The following DNAH10 variants were observed in gnomAD, a reference collection of about 807,000 sequenced individuals.
DNAH10 encodes the protein dynein axonemal heavy chain 10.
Under a neutral mutation model 506.6 loss-of-function variants are expected in DNAH10, and 348 were observed. The observed-to-expected ratio is 0.69, with a 90% CI of 0.63 to 0.75. The LOEUF is 0.75. Among genes scored for constraint, DNAH10 ranks in the 30% least tolerant of loss-of-function variants. The probability of loss-of-function intolerance (pLI) is 0.00; values close to 1 mark genes in which losing one functional copy is unlikely to be tolerated. For synonymous variants in DNAH10, 2,059 were observed against 2,198.6 expected (o/e 0.94, Z 1.78); for missense variants, 5,179 against 5,787.1 (o/e 0.89, Z 3.41).
chr12:123,924,059 G>T, intron 66 of DNAH10, 192 bp downstream of exon 66: 2 of 735,040 alleles, frequency 2.7e-6, no homozygotes, highest in Non-Finnish European at 2.2e-6. Flanking sequence ...GGAGCAGCCA[G>T]CCTCTGTCTC....
At chr12:123,809,998 G>T (rs1042266549) in intron 19 of DNAH10, among the ~76,000 whole-genome samples, 1 of 151,904 alleles carries the variant, frequency 6.6e-6, no homozygotes, top group Non-Finnish European at 1.5e-5. Flanking sequence ...TTCCTACCAC[G>T]TACCACTCTC....
chr12:123,867,581 C>A lies in DNAH10; in HGVS notation c.7282C>A (p.Pro2428Thr), dbSNP rs1474156886. The change falls in exon 42 of 79, where the codon CCT becomes ACT. Residue 2428 changes from proline (P) to threonine (T), a missense_variant. Coordinates refer to ENST00000673944, the MANE Select transcript of DNAH10 (RefSeq NM_001372106.1). Reference sequence around the variant, plus strand: ...AGCAGAAAAGCTGAAGACAATAGTTCCTCAGACAGACCTCAATATGGTAAG... The same window carrying A: ...AGCAGAAAAGCTGAAGACAATAGTTACTCAGACAGACCTCAATATGGTAAG... Reference protein sequence around the residue: ...RQAEKLKTIVPQTDLNMVTQL... With the variant: ...RQAEKLKTIVTQTDLNMVTQL... 6.2e-7 allele frequency: 1 copy of A among 1,613,892 alleles called. No individual in the cohort carries two copies. The highest frequency in any genetic ancestry group is 1.1e-5 in the South Asian group (1 of 91,020).
intron 10 of DNAH10, 24 bp downstream of exon 10, chr12:123,788,026 G>A (rs1189889583): frequency 1.1e-5 from 17 of 1,552,808 alleles, no homozygotes; most frequent in Non-Finnish European, 1.5e-5. Flanking sequence ...GAAGGCCGGC[G>A]GAATTTGCCC....
chr12:123,883,178 T>C (rs771436293), intron 51 of DNAH10, among the ~76,000 whole-genome samples: 5 of 152,270 alleles, frequency 3.3e-5, no homozygotes, highest in Admixed American at 6.5e-5. Context: ...TGAGCTTTCA[T>C]GCACAAGTTT....
In DNAH10 at chr12:123,916,684, T is replaced by C; in HGVS notation, c.10950T>C (p.Asn3650=). ...FRLYLNTKLA[N]PRYSPSVFGK... is the part of the protein sequence containing the mutation. ...TGTACCTGAACACCAAGCTGGCCAA[T>C]CCCAGATATTCCCCATCCGTGTTTG... Residue 3650 remains asparagine, a synonymous_variant, in exon 63 of 79, where the codon AAT becomes AAC. Transcript: ENST00000673944. The surrounding 1 kb of genome is among the most constrained non-coding windows in gnomAD (Gnocchi z 4.6). The C allele has an allele frequency of 6.2e-7, 1 of 1,613,762 alleles. No individual in the cohort carries two copies. The highest frequency in any genetic ancestry group is 8.5e-7 in the Non-Finnish European group (1 of 1,179,796).
In DNAH10 at chr12:123,926,176, A is replaced by G. The variant is rs1191189375; in HGVS notation, c.11922-461A>G. The G allele has an allele frequency of 6.6e-6, 1 of 151,522 alleles. No homozygotes were observed. The highest frequency in any genetic ancestry group is 2.4e-5 in the African/African-American group (1 of 41,020). The allele number at this position is 151,522 out of a possible 1,614,324, so 9.4% of individuals were successfully genotyped here. On this transcript the variant is annotated intron_variant, in intron 68 of 78. Transcript: ENST00000673944. The surrounding 1 kb of genome is among the most constrained non-coding windows in gnomAD (Gnocchi z 4.1). ...AGCCCAAGAGTTTGAGGCTGCAGTG[A>G]GCTGTGATAGTACCACTGTACTCCA...
chr12:123,894,540 G>C, intron 53 of DNAH10, 103 bp from the exon 54 acceptor site: 2 of 1,050,038 alleles, frequency 1.9e-6, no homozygotes, highest in South Asian at 2.9e-5. Flanking sequence ...TTACAGGTGT[G>C]AGCCACCACA....
At chr12:123,793,717 A>T (rs1335513128) in intron 11 of DNAH10, among the ~76,000 whole-genome samples, 1 of 152,126 alleles carries the variant, frequency 6.6e-6, no homozygotes, top group Non-Finnish European at 1.5e-5. Flanking sequence ...TTTTGTTTAT[A>T]TGAGTTAATA....
intron 40 of DNAH10, among the ~76,000 whole-genome samples, chr12:123,865,059 T>C (rs957334842): frequency 2.6e-5 from 4 of 152,240 alleles, no homozygotes; most frequent in Non-Finnish European, 5.9e-5. Flanking sequence ...TCATCTCTTA[T>C]ACCACTAACG....
chr12:123,855,648 AAT>A lies in DNAH10; in HGVS notation c.6439-1406_6439-1405del, dbSNP rs1555233681. ...GACCCTGTCTCAAAAAAAAAAAAAAAATAATAATAAAAAGTATATATATATAT... is the reference window on the plus strand; with the variant it reads ...GACCCTGTCTCAAAAAAAAAAAAAAAAATAATAAAAAGTATATATATATAT... On this transcript the variant is annotated intron_variant, in intron 36 of 78. Coordinates refer to ENST00000673944, the MANE Select transcript of DNAH10 (RefSeq NM_001372106.1). 1.3e-3 allele frequency among the ~76,000 whole-genome samples: 190 copies of A among 149,100 alleles called. 2 individuals are homozygous for A. Among genetic ancestry groups the A allele is most frequent in the African/African-American group, 4.5e-3 (182 of 40,648 alleles).
At chr12:123,880,823 C>T (rs1449252093) in intron 50 of DNAH10, among the ~76,000 whole-genome samples, 1 of 122,902 alleles carries the variant, frequency 8.1e-6, no homozygotes, top group African/African-American at 3.0e-5. Context: ...ACAACAGGCC[C>T]TGGTGTGTGA....
chr12:123,929,159 TCTCAG>T, intron 70 of DNAH10, 111 bp from the exon 71 acceptor site: 1 of 1,057,302 alleles, frequency 9.5e-7, no homozygotes, highest in Non-Finnish European at 1.4e-6. Flanking sequence ...CTATTGGAGG[TCTCAG>T]ACAGATGGCT....
intron 5 of DNAH10, among the ~76,000 whole-genome samples, chr12:123,778,420 C>T (rs886192821): frequency 7.2e-5 from 11 of 152,192 alleles, no homozygotes; most frequent in East Asian, 1.9e-4. Context: ...TACAGCCAGG[C>T]GCAGTGACTC....
chr12:123,836,205 A>G (rs892363481), intron 28 of DNAH10, among the ~76,000 whole-genome samples: 1 of 152,200 alleles, frequency 6.6e-6, no homozygotes, highest in Non-Finnish European at 1.5e-5. Context: ...TTGTAATCAT[A>G]TTGTGTACAA....
intron 38 of DNAH10, among the ~76,000 whole-genome samples, chr12:123,860,399 G>T (rs2136855394): frequency 6.6e-6 from 1 of 152,332 alleles, no homozygotes; most frequent in East Asian, 1.9e-4. Context: ...TCACACAGTT[G>T]TATGCATGTG....
At position 123,913,084 on chromosome 12, in the gene DNAH10, T is replaced by C; in HGVS notation, c.10135-14T>C. 1 of 1,597,134 alleles carries C rather than the reference T, an allele frequency of 6.3e-7. No individual in the cohort carries two copies. The highest frequency in any genetic ancestry group is 8.5e-7 in the Non-Finnish European group (1 of 1,171,690). Reference sequence around the variant, plus strand: ...GTCCTTTTCCCCATCTTTTTGCAAATTGTCTTCACTTAGGTGGCCAGGCTG... The same window carrying C: ...GTCCTTTTCCCCATCTTTTTGCAAACTGTCTTCACTTAGGTGGCCAGGCTG... On this transcript the variant is annotated splice_polypyrimidine_tract_variant and intron_variant, in intron 59 of 78. Coordinates refer to ENST00000673944, the MANE Select transcript of DNAH10 (RefSeq NM_001372106.1). This position sits in a 1 kb window ranked among gnomAD's most constrained non-coding sequence, Gnocchi z 5.1.
intron 56 of DNAH10, among the ~76,000 whole-genome samples, chr12:123,901,179 G>A (rs2137273142): frequency 6.6e-6 from 1 of 152,302 alleles, no homozygotes; most frequent in Non-Finnish European, 1.5e-5. Flanking sequence ...TTTGCAGGCT[G>A]CTCCCCACAC....
At chr12:123,914,593 G>T (rs1438424859) in intron 61 of DNAH10, 43 bp downstream of exon 61, 1 of 1,583,192 alleles carries the variant, frequency 6.3e-7, no homozygotes, top group African/African-American at 1.3e-5. Flanking sequence ...GGACACCTTA[G>T]CACAGGGGGT....
At chr12:123,841,690 T>A (rs895629348) in intron 30 of DNAH10, 145 bp downstream of exon 30, 19 of 720,034 alleles carry the variant, frequency 2.6e-5, no homozygotes, top group Admixed American at 1.7e-4. Context: ...GATAGATGTC[T>A]TTATTTTTAT....
Sources: gnomAD v4.1 joint callset for allele counts (sites outside exome capture counted in the v4.1 genomes callset) on GRCh38, gnomAD v4.1.1 for gene constraint, Gnocchi (gnomAD v3.1) non-coding constraint, MANE v1.5 for transcripts, NCBI Gene and HGNC (gene_info 2026-07-23, HGNC 2026-07-21) for gene names.